HCRTR1: variants seen among roughly 807,000 people sequenced by gnomAD.
The protein encoded by HCRTR1 is orexin/Hypocretin receptor type 1.
In HCRTR1, 28 loss-of-function variants were observed where a neutral mutation model predicts 40.6. The observed-to-expected ratio is 0.69, with a 90% CI of 0.51 to 0.95. HCRTR1 has a LOEUF of 0.95. Ranked by LOEUF, HCRTR1 falls within the 40% of genes least tolerant of loss-of-function variation. The probability of loss-of-function intolerance (pLI) is 0.00; values close to 1 mark genes in which losing one functional copy is unlikely to be tolerated. For missense variants in HCRTR1, 482 were observed against 564.7 expected (o/e 0.85, Z 1.48); for synonymous variants, 209 against 230.0 (o/e 0.91, Z 0.83).
chr1:31,624,732 T>C (rs941146030), intron 7 of HCRTR1, among the ~76,000 whole-genome samples: 2 of 152,284 alleles, frequency 1.3e-5, no homozygotes, highest in African/African-American at 2.4e-5. Flanking sequence ...CATGTTGCTG[T>C]GAGGATGGAT....
At chr1:31,632,826 G>A (rs551773788), downstream of HCRTR1, among the ~76,000 whole-genome samples, 2 of 152,304 alleles carry the variant, frequency 1.3e-5, no homozygotes, top group Admixed American at 6.5e-5. Flanking sequence ...TCCTACTCTG[G>A]ACACCTTTAG....
Position 31,623,754 on chromosome 1 carries a change from G to C in HCRTR1, c.965+5G>C, listed in dbSNP as rs767057395. On this transcript the variant is annotated splice_donor_5th_base_variant and intron_variant, in intron 7 of 8. Coordinates refer to ENST00000403528, the MANE Select transcript of HCRTR1 (RefSeq NM_001525.3). ...CGTCCTCAATGTCCTTAAGAGGTGAGAGCACGGGGTATGGTTGGGGTGGGG... is the reference window on the plus strand; with the variant it reads ...CGTCCTCAATGTCCTTAAGAGGTGACAGCACGGGGTATGGTTGGGGTGGGG... 32 of 1,610,142 alleles carry C rather than the reference G, an allele frequency of 2.0e-5. No homozygotes were observed. In the South Asian group the frequency reaches 3.5e-4, roughly 18 times the overall value.
chr1:31,633,290 G>C, downstream of HCRTR1: 1 of 1,613,468 alleles, frequency 6.2e-7, no homozygotes, highest in Non-Finnish European at 8.5e-7. Flanking sequence ...GTAGGCCTCA[G>C]GATCCACATT....
chr1:31,625,231 C>G lies in HCRTR1; in HGVS notation c.1087+113C>G. 7.8e-7 allele frequency: 1 copy of G among 1,278,936 alleles called. No individual in the cohort carries two copies. Among genetic ancestry groups the G allele is most frequent in the South Asian group, 1.5e-5 (1 of 64,572 alleles). The allele number at this position is 1,278,936 out of a possible 1,614,324, so 79.2% of individuals were successfully genotyped here. ...AGGATGGTGGGTGAGGATGTACCTG[C>G]TGTGGGCACAGTGATCCTGCTCTGG... On this transcript the variant is annotated intron_variant, in intron 8 of 8. Transcript: ENST00000403528. The surrounding 1 kb of genome is among the most constrained non-coding windows in gnomAD (Gnocchi z 4.2).
chr1:31,621,146 C>T, intron 5 of HCRTR1, 60 bp downstream of exon 5: 1 of 1,553,504 alleles, frequency 6.4e-7, no homozygotes, highest in Non-Finnish European at 8.7e-7. Context: ...AGCACGTACC[C>T]CTAGGACAGG....
At chr1:31,623,479 A>G (rs372873003) in intron 6 of HCRTR1, 44 bp from the exon 7 acceptor site, 6 of 1,534,894 alleles carry the variant, frequency 3.9e-6, no homozygotes, top group Middle Eastern at 2.0e-4. Flanking sequence ...CCACCCTCCC[A>G]AGGTGCTGTA....
chr1:31,626,738 CT>C lies in HCRTR1; in HGVS notation c.1088-50del, dbSNP rs1639984765. ...GTGGGTGTCCCTGGGCTCAAGGCCC[CT>C]TCCTGCTGCATCTGTCTCCTTATGG... On this transcript the variant is annotated intron_variant, in intron 8 of 8. Coordinates refer to ENST00000403528, the MANE Select transcript of HCRTR1 (RefSeq NM_001525.3). The surrounding 1 kb of genome is among the most constrained non-coding windows in gnomAD (Gnocchi z 4.6). 1 of 1,571,424 alleles carries C rather than the reference CT, an allele frequency of 6.4e-7. No homozygotes were observed. Among genetic ancestry groups the C allele is most frequent in the Non-Finnish European group, 8.6e-7 (1 of 1,156,146 alleles).
chr1:31,619,755 TA>T, intron 4 of HCRTR1, 45 bp downstream of exon 4: 2 of 1,537,942 alleles, frequency 1.3e-6, no homozygotes, highest in Non-Finnish European at 1.8e-6. Context: ...GTCACGCCTG[TA>T]AAAAACCCAC....
downstream of HCRTR1, among the ~76,000 whole-genome samples, chr1:31,631,923 T>A (rs564370483): frequency 9.7e-6 from 1 of 103,276 alleles, no homozygotes; most frequent in African/African-American, 2.9e-5. Context: ...CCCTCTTGGG[T>A]CCTCCCCCAA....
chr1:31,623,486 T>A (rs201029496), intron 6 of HCRTR1, 37 bp from the exon 7 acceptor site: 24 of 1,576,146 alleles, frequency 1.5e-5, no homozygotes, highest in Middle Eastern at 3.8e-4. Flanking sequence ...CCCAAGGTGC[T>A]GTACCCACCA....
chr1:31,622,898 C>A (rs1288593525), intron 6 of HCRTR1, among the ~76,000 whole-genome samples: 3 of 152,202 alleles, frequency 2.0e-5, no homozygotes, highest in African/African-American at 7.2e-5. Context: ...GATGGATGGG[C>A]AGTTGACAGG....
chr1:31,627,747 A>G, downstream of HCRTR1: 1 of 222,752 alleles, frequency 4.5e-6, no homozygotes, highest in Non-Finnish European at 9.1e-6. Context: ...CCCCCACCAC[A>G]CGGGATCCCA....
At chr1:31,632,491 G>A (rs775689590), downstream of HCRTR1, 22 of 1,614,100 alleles carry the variant, frequency 1.4e-5, no homozygotes, top group Middle Eastern at 1.6e-4. Flanking sequence ...GCCATGACCC[G>A]CACCTTGCTG....
chr1:31,623,339 C>T (rs961913198), intron 6 of HCRTR1, among the ~76,000 whole-genome samples, 184 bp from the exon 7 acceptor site: 16 of 151,714 alleles, frequency 1.1e-4, no homozygotes, highest in Non-Finnish European at 2.4e-4. Flanking sequence ...GAAAGTCTAT[C>T]GTTCACTCTC....
At chr1:31,630,486 T>C, downstream of HCRTR1, 1 of 980,704 alleles carries the variant, frequency 1.0e-6, no homozygotes. Flanking sequence ...TTTGGAACAG[T>C]GTTGCATCAA....
downstream of HCRTR1, among the ~76,000 whole-genome samples, chr1:31,631,492 T>C (rs914814344): frequency 1.7e-4 from 26 of 152,134 alleles, no homozygotes; most frequent in African/African-American, 6.0e-4. Flanking sequence ...GTTCAGAACT[T>C]ACCAGGCCAG....
chr1:31,633,281 T>C (rs749930655), downstream of HCRTR1: 105 of 1,613,354 alleles, frequency 6.5e-5, no homozygotes, highest in Non-Finnish European at 8.7e-5. Context: ...GAACCAGGAG[T>C]AGGCCTCAGG....
downstream of HCRTR1, chr1:31,630,777 G>A (rs1280341427): frequency 6.2e-7 from 1 of 1,613,878 alleles, no homozygotes; most frequent in Admixed American, 1.7e-5. Context: ...GCAGAGCGTG[G>A]GCAGTAGCGG....
chr1:31,628,858 A>C (rs1640027500), downstream of HCRTR1, among the ~76,000 whole-genome samples: 1 of 152,152 alleles, frequency 6.6e-6, no homozygotes, highest in Non-Finnish European at 1.5e-5. Flanking sequence ...GGACTTGGGG[A>C]AAATGTGGTA....
Sources: gnomAD v4.1 joint callset for allele counts (sites outside exome capture counted in the v4.1 genomes callset) on GRCh38, gnomAD v4.1.1 for gene constraint, Gnocchi (gnomAD v3.1) non-coding constraint, MANE v1.5 for transcripts, NCBI Gene and HGNC (gene_info 2026-07-23, HGNC 2026-07-21) for gene names.